Variants in C6orf89 observed in about 807,000 individuals in gnomAD.
C6orf89 encodes chromosome 6 open reading frame 89, also known as bombesin receptor-activated protein C6orf89.
Under a neutral mutation model 40.7 loss-of-function variants are expected in C6orf89, and 29 were observed. That is an observed-to-expected ratio of 0.71 (90% confidence interval 0.53 to 0.97). C6orf89 has a LOEUF of 0.97. Ranked by LOEUF, C6orf89 falls within the 50% of genes least tolerant of loss-of-function variation. The probability of loss-of-function intolerance (pLI) is 0.00; values close to 1 mark genes in which losing one functional copy is unlikely to be tolerated. For synonymous variants in C6orf89, 165 were observed against 152.2 expected, an observed-to-expected ratio of 1.08 and a Z score of -0.62; for missense variants, 392 against 429.1, an observed-to-expected ratio of 0.91 and a Z score of 0.76.
Position 36,914,950 on chromosome 6 carries a change from A to G in C6orf89, c.695+257A>G, listed in dbSNP as rs111564708. ...GGTTGCCATGAGCTGAGATCGCGCC[A>G]TTGCCCTCCAGCTTGGGTGACAGAG... On this transcript the variant is annotated intron_variant, in intron 6 of 8. Transcript: ENST00000480824. Among the ~76,000 whole-genome samples the G allele has an allele frequency of 9.2e-3, 1,401 of 152,328 alleles. 16 individuals carry two copies. The highest frequency in any genetic ancestry group is 0.032 in the African/African-American group (1,319 of 41,568).
chr6:36,908,601 A>G (rs967669939), intron 4 of C6orf89, among the ~76,000 whole-genome samples: 6 of 152,200 alleles, frequency 3.9e-5, no homozygotes, highest in South Asian at 2.1e-4. Flanking sequence ...ATAAATAGAA[A>G]TACTTTTTTG....
chr6:36,893,613 TTTAA>T (rs1305782249), intron 1 of C6orf89, among the ~76,000 whole-genome samples: 2 of 151,634 alleles, frequency 1.3e-5, no homozygotes, highest in Non-Finnish European at 2.9e-5. Flanking sequence ...AAACTGGGAG[TTTAA>T]TAAGATTTTT....
chr6:36,887,843 A>G (rs142390964), intron 1 of C6orf89, among the ~76,000 whole-genome samples: 2,101 of 152,136 alleles, frequency 0.014, 29 homozygotes, highest in South Asian at 0.022. Context: ...TCTGCTTCCC[A>G]AGTAGCTGGG....
At chr6:36,886,087 C>CCGG (rs2150674875) in intron 1 of C6orf89, 59 bp downstream of exon 1, 1 of 1,238,178 alleles carries the variant, frequency 8.1e-7, no homozygotes, top group Non-Finnish European at 1.0e-6. Context: ...AGCCTCGCCG[C>CCGG]GCCCGTCTCT....
chr6:36,909,658 T>C (rs1355194887), intron 4 of C6orf89, among the ~76,000 whole-genome samples: 3 of 151,984 alleles, frequency 2.0e-5, no homozygotes, highest in Non-Finnish European at 4.4e-5. Flanking sequence ...GGTGCACACC[T>C]GTAGTCCCAG....
intron 4 of C6orf89, among the ~76,000 whole-genome samples, chr6:36,910,485 T>C (rs1762084865): frequency 6.6e-6 from 1 of 152,182 alleles, no homozygotes; most frequent in Admixed American, 6.5e-5. Flanking sequence ...TCCAGCACTT[T>C]GGGAGGCCAA....
At chr6:36,903,861 A>T (rs562285444) in intron 4 of C6orf89, among the ~76,000 whole-genome samples, 81 of 151,800 alleles carry the variant, frequency 5.3e-4, no homozygotes, top group Middle Eastern at 6.8e-3. Flanking sequence ...GTTTTTTTTT[A>T]AAAAATCAAC....
chr6:36,925,476 G>A lies in C6orf89; in HGVS notation c.*2035G>A, dbSNP rs546682699. 9 of 152,220 alleles carry A rather than the reference G, an allele frequency of 5.9e-5. No individual in the cohort carries two copies. In the East Asian group the frequency reaches 9.6e-4, roughly 16 times the overall value. The allele number at this position is 152,220 out of a possible 1,614,324, so 9.4% of individuals were successfully genotyped here. A position where few individuals can be genotyped will look rare whatever the true frequency, so the allele number is the denominator to read the frequency against. On this transcript the variant is annotated 3_prime_UTR_variant, in exon 9 of 9. Transcript: ENST00000480824. The stretch of plus-strand genomic sequence containing the variant: ...ATGTGTTGGTATTCTGAGGCATCCC[G>A]TGGGAAAGTCCCCTAAGTCCCATTT...
At chr6:36,888,951 A>G (rs1775094467) in intron 1 of C6orf89, among the ~76,000 whole-genome samples, 1 of 152,198 alleles carries the variant, frequency 6.6e-6, no homozygotes, top group Non-Finnish European at 1.5e-5. Flanking sequence ...AAGTTGGGTT[A>G]TAGACACATT....
intron 4 of C6orf89, among the ~76,000 whole-genome samples, chr6:36,911,359 G>A (rs1478468200): frequency 2.0e-5 from 3 of 151,868 alleles, no homozygotes; most frequent in African/African-American, 7.3e-5. Context: ...GCTTCGTGGC[G>A]GGCACCTGTA....
At chr6:36,907,876 G>A (rs969174182) in intron 4 of C6orf89, among the ~76,000 whole-genome samples, 3 of 152,194 alleles carry the variant, frequency 2.0e-5, no homozygotes, top group African/African-American at 4.8e-5. Flanking sequence ...GCATGGGCTC[G>A]GCTGGCTGTG....
chr6:36,917,844 A>G (rs528879270), intron 7 of C6orf89, among the ~76,000 whole-genome samples: 20 of 152,336 alleles, frequency 1.3e-4, no homozygotes, highest in Admixed American at 8.5e-4. Flanking sequence ...TTGAATACCA[A>G]AGTTAATTTC....
chr6:36,914,631 A>G lies in C6orf89; in HGVS notation c.633A>G (p.Glu211=). ...QYPEATEGFS[E]GFFAKWWRCF... ...CTGAGGCGACAGAAGGCTTCTCTGA[A>G]GGGTTTTTCGCCAAGTGGTGGCGCT... Residue 211 remains glutamate (E), a synonymous_variant, in exon 6 of 9, where the codon GAA becomes GAG. Transcript: ENST00000480824. The G allele has an allele frequency of 6.2e-7, 1 of 1,614,230 alleles. No individual in the cohort carries two copies. The highest frequency in any genetic ancestry group is 1.7e-5 in the Admixed American group (1 of 60,026).
chr6:36,922,655 A>G (rs931538803), intron 8 of C6orf89, among the ~76,000 whole-genome samples: 2 of 152,206 alleles, frequency 1.3e-5, no homozygotes, highest in Non-Finnish European at 2.9e-5. Flanking sequence ...GGGGAAACCT[A>G]GTGTTTCTCA....
intron 2 of C6orf89, among the ~76,000 whole-genome samples, chr6:36,898,802 C>T (rs902514102): frequency 6.6e-6 from 1 of 151,872 alleles, no homozygotes; most frequent in African/African-American, 2.4e-5. Context: ...TGTAGAAAAG[C>T]ATGAGGACTC....
At chr6:36,915,241 G>T (rs866822560) in intron 6 of C6orf89, among the ~76,000 whole-genome samples, 1 of 152,192 alleles carries the variant, frequency 6.6e-6, no homozygotes, top group Non-Finnish European at 1.5e-5. Flanking sequence ...AATTTATTTC[G>T]AAGTATGCAT....
intron 4 of C6orf89, among the ~76,000 whole-genome samples, chr6:36,907,336 A>C (rs1224537297): frequency 6.6e-6 from 1 of 150,700 alleles, no homozygotes; most frequent in African/African-American, 2.5e-5. Context: ...TAATCTATGT[A>C]ACAGTACTCT....
chr6:36,886,554 C>G (rs1360203734), intron 1 of C6orf89, among the ~76,000 whole-genome samples: 2 of 152,122 alleles, frequency 1.3e-5, no homozygotes, highest in African/African-American at 2.4e-5. Flanking sequence ...TTGTAATCAC[C>G]TCTTAGTAGA....
At chr6:36,878,815 G>A (rs761801667) in intron 1 of C6orf89, among the ~76,000 whole-genome samples, 10 of 152,126 alleles carry the variant, frequency 6.6e-5, no homozygotes, top group Admixed American at 1.3e-4. Context: ...AACCAATCTC[G>A]CTGTTTCTGT....
Sources: allele counts gnomAD v4.1 joint callset (sites outside exome capture counted in the v4.1 genomes callset), GRCh38; gene constraint gnomAD v4.1.1; transcripts MANE v1.5; gene names NCBI Gene and HGNC (gene_info 2026-07-23, HGNC 2026-07-21).